WDR44: variants seen among roughly 807,000 people sequenced by gnomAD.
WDR44 encodes the protein WD repeat domain 44, also known as WD repeat-containing protein 44.
In WDR44, 9 loss-of-function variants were observed where a neutral mutation model predicts 65.7. The observed-to-expected ratio is 0.14, with a 90% CI of 0.08 to 0.24. WDR44 has a LOEUF of 0.24. Ranked by LOEUF, WDR44 falls within the 10% of genes least tolerant of loss-of-function variation. WDR44 has a pLI of 1.00. For synonymous variants in WDR44, 220 were observed against 235.2 expected, an observed-to-expected ratio of 0.94 and a Z score of 0.59; for missense variants, 425 against 670.9, an observed-to-expected ratio of 0.63 and a Z score of 4.05.
At chrX:118,352,754 G>T (rs953743771) in intron 1 of WDR44, among the ~76,000 whole-genome samples, 3 of 109,695 alleles carry the variant, frequency 2.7e-5, no homozygotes, top group Non-Finnish European at 5.7e-5. Context: ...ACTTCCTGGG[G>T]TAGTAGTGGA....
intron 1 of WDR44, among the ~76,000 whole-genome samples, chrX:118,361,364 C>T (rs2056510321): frequency 8.9e-6 from 1 of 111,910 alleles, no homozygotes; most frequent in Non-Finnish European, 1.9e-5. Context: ...AAGGATCTGT[C>T]TATAGCTAAT....
At chrX:118,396,834 T>C in intron 6 of WDR44, 136 bp from the exon 7 acceptor site, 1 of 574,959 alleles carries the variant, frequency 1.7e-6, no homozygotes, top group Non-Finnish European at 2.5e-6. Flanking sequence ...TCAATAAAAA[T>C]GTTAGAAATT....
intron 2 of WDR44, among the ~76,000 whole-genome samples, 159 bp from the exon 3 acceptor site, chrX:118,387,181 C>CAAAAAA (rs61229618): frequency 3.1e-4 from 12 of 38,145 alleles, no homozygotes; most frequent in Admixed American, 6.4e-4. Context: ...AACTCTGTCT[C>CAAAAAA]AAAAAAAAAA....
At chrX:118,414,298 T>C (rs1181998998) in intron 12 of WDR44, among the ~76,000 whole-genome samples, 1 of 105,933 alleles carries the variant, frequency 9.4e-6, no homozygotes, top group Non-Finnish European at 1.9e-5. Context: ...TTTTGTGTTT[T>C]TTTTTTTCCA....
intron 1 of WDR44, among the ~76,000 whole-genome samples, chrX:118,355,960 G>A (rs752336534): frequency 8.9e-6 from 1 of 111,787 alleles, no homozygotes; most frequent in South Asian, 3.7e-4. Context: ...AAAACCTTGG[G>A]TGGTGTTGCC....
intron 1 of WDR44, among the ~76,000 whole-genome samples, chrX:118,352,350 A>T (rs79987639): frequency 0.019 from 392 of 20,248 alleles, 16 homozygotes; most frequent in African/African-American, 0.14. Flanking sequence ...ATATATATAT[A>T]TATTTTTTTT....
chrX:118,443,441 C>A, intron 17 of WDR44, 119 bp from the exon 18 acceptor site: 1 of 881,902 alleles, frequency 1.1e-6, no homozygotes, highest in Non-Finnish European at 1.6e-6. Flanking sequence ...TCTACATATT[C>A]AACAAGACCC....
At chrX:118,386,481 C>T (rs760601093) in intron 2 of WDR44, 2 of 338,364 alleles carry the variant, frequency 5.9e-6, no homozygotes, top group African/African-American at 2.8e-5. Context: ...TAATTTTTTT[C>T]ATCTTTTTTC....
At chrX:118,388,375 G>T (rs1383207851) in intron 3 of WDR44, among the ~76,000 whole-genome samples, 12 of 111,354 alleles carry the variant, frequency 1.1e-4, no homozygotes, top group African/African-American at 3.9e-4. Context: ...CCACCTCCTG[G>T]ACTCAAGTGA....
intron 1 of WDR44, among the ~76,000 whole-genome samples, chrX:118,369,919 A>C (rs2056599528): frequency 8.9e-6 from 1 of 112,400 alleles, no homozygotes; most frequent in African/African-American, 3.2e-5. Flanking sequence ...TCTGTAAGCC[A>C]TGTGGGTTTT....
chrX:118,346,734 C>T (rs1238272154), intron 1 of WDR44, among the ~76,000 whole-genome samples, 154 bp downstream of exon 1: 4 of 111,099 alleles, frequency 3.6e-5, no homozygotes, highest in African/African-American at 9.8e-5. Flanking sequence ...CCTGGGGCTT[C>T]TTAGGGCGGG....
At chrX:118,359,436 T>C (rs1373207959) in intron 1 of WDR44, among the ~76,000 whole-genome samples, 2 of 112,221 alleles carry the variant, frequency 1.8e-5, no homozygotes, top group African/African-American at 6.5e-5. Flanking sequence ...GGAAAGTGGT[T>C]TTCTGTTTAT....
chrX:118,370,531 A>G (rs1489617484), intron 1 of WDR44, among the ~76,000 whole-genome samples: 1 of 110,737 alleles, frequency 9.0e-6, no homozygotes, highest in Non-Finnish European at 1.9e-5. Flanking sequence ...CACCGGGAGC[A>G]GATGCTGGTA....
chrX:118,365,663 G>A (rs1208109260), intron 1 of WDR44, among the ~76,000 whole-genome samples: 1 of 111,979 alleles, frequency 8.9e-6, no homozygotes, highest in Non-Finnish European at 1.9e-5. Flanking sequence ...AGGGTAGAAA[G>A]TAATTTAGTG....
intron 12 of WDR44, among the ~76,000 whole-genome samples, chrX:118,420,815 C>G (rs1469003112): frequency 4.4e-5 from 5 of 112,596 alleles, no homozygotes; most frequent in Non-Finnish European, 9.4e-5. Context: ...CTGAATCCAG[C>G]AGATAAAATT....
intron 1 of WDR44, among the ~76,000 whole-genome samples, chrX:118,368,632 G>T (rs767644828): frequency 9.5e-6 from 1 of 105,309 alleles, no homozygotes; most frequent in East Asian, 3.0e-4. Context: ...AGGGCAGCTA[G>T]AGGGGAGAAG....
chrX:118,357,475 TC>T (rs1364744945), intron 1 of WDR44, among the ~76,000 whole-genome samples: 5 of 111,189 alleles, frequency 4.5e-5, no homozygotes, highest in African/African-American at 6.5e-5. Context: ...AATCTTGAAG[TC>T]TGAGTAGTTC....
In WDR44 at chrX:118,389,718, C is replaced by CAAAA. The variant is rs1248530849; in HGVS notation, c.186+2321_186+2324dup. On this transcript the variant is annotated intron_variant, in intron 3 of 19. Coordinates refer to ENST00000254029, the MANE Select transcript of WDR44 (RefSeq NM_019045.5). ...CTGGTGACAGAGCTAGACTCCCTCT[C>CAAAA]AAAAAAAAAAAAAAAAAAAAGGATT... Among the ~76,000 whole-genome samples, 69 of 34,449 alleles carry CAAAA rather than the reference C, an allele frequency of 2.0e-3. 2 individuals carry two copies. Among genetic ancestry groups the CAAAA allele is most frequent in the Admixed American group, 5.6e-3 (14 of 2,510 alleles). The allele number at this position is 34,449 out of a possible 115,157, so 29.9% of individuals were successfully genotyped here. A position where few individuals can be genotyped will look rare whatever the true frequency, so the allele number is the denominator to read the frequency against.
At chrX:118,402,875 A>G (rs1569371121) in intron 8 of WDR44, among the ~76,000 whole-genome samples, 1 of 112,684 alleles carries the variant, frequency 8.9e-6, no homozygotes, top group Non-Finnish European at 1.9e-5. Context: ...AGTGATTGCT[A>G]TAAAAGAAAA....
Sources: allele counts gnomAD v4.1 joint callset (sites outside exome capture counted in the v4.1 genomes callset), GRCh38; gene constraint gnomAD v4.1.1; transcripts MANE v1.5; gene names NCBI Gene and HGNC (gene_info 2026-07-23, HGNC 2026-07-21).